MYOD1: variants seen among roughly 807,000 people sequenced by gnomAD.
MYOD1 encodes the protein myogenic differentiation 1.
MYOD1 carries 15 observed loss-of-function variants against 14.9 expected under a neutral mutation model. That is an observed-to-expected ratio of 1.01 (90% CI 0.67 to 1.55). The LOEUF is 1.55. Ranked by LOEUF, MYOD1 falls within the 40% of genes most tolerant of loss-of-function variation. The probability of loss-of-function intolerance (pLI) is 0.00; values close to 1 mark genes in which losing one functional copy is unlikely to be tolerated. For synonymous variants in MYOD1, 235 were observed against 218.6 expected, an observed-to-expected ratio of 1.07 and a Z score of -0.66; for missense variants, 529 against 482.6, an observed-to-expected ratio of 1.10 and a Z score of -0.90.
chr11:17,721,263 C>G lies in MYOD1; in HGVS notation c.718C>G (p.Pro240Ala), dbSNP rs972426310. 6.4e-7 allele frequency: 1 copy of G among 1,559,446 alleles called. No homozygotes were observed. ...GAGCCCTCCCCGCGCAGAACCCAGG[C>G]CCGGGAAGAGTGCGGCGGTGTCGAG... ...YYNEAPSEPR[P>A]GKSAAVSSLD... Residue 240 changes from proline to alanine, a missense_variant, in exon 3 of 3, where the codon CCC becomes GCC. Coordinates refer to ENST00000250003, the MANE Select transcript of MYOD1 (RefSeq NM_002478.5). This position sits in a 1 kb window ranked among gnomAD's most constrained non-coding sequence, Gnocchi z 6.2.
At position 17,720,940 on chromosome 11, in the gene MYOD1, G is replaced by T; in HGVS notation, c.669G>T (p.Arg223=). ...YSGPPSGARR[R]NCYEGAYYNE... ...GCCCCCCGAGCGGCGCCCGGCGGCG[G>T]AACTGCTACGAAGGCGCCTACTACA... The change falls in exon 2 of 3, where the codon CGG becomes CGT. Residue 223 remains arginine, a synonymous_variant. Coordinates refer to ENST00000250003, the MANE Select transcript of MYOD1 (RefSeq NM_002478.5). The T allele has an allele frequency of 6.2e-7, 1 of 1,609,570 alleles. No individual in the cohort carries two copies. Among genetic ancestry groups the T allele is most frequent in the Non-Finnish European group, 8.5e-7 (1 of 1,178,772 alleles).
In MYOD1 at chr11:17,721,387, G is replaced by T; in HGVS notation, c.842G>T (p.Arg281Leu). 1 of 1,596,496 alleles carries T rather than the reference G, an allele frequency of 6.3e-7. No individual in the cohort carries two copies. The highest frequency in any genetic ancestry group is 8.5e-7 in the Non-Finnish European group (1 of 1,178,092). ...LADVPSESPP[R>L]RQEAAAPSEG... ...GACGTGCCTTCTGAGTCGCCTCCGC[G>T]CAGGCAAGAGGCTGCCGCCCCCAGC... Residue 281 changes from arginine (R) to leucine (L), a missense_variant, in exon 3 of 3, where the codon CGC becomes CTC. Physicochemically the swap from Arg to Leu is moderately radical, Grantham distance 102 (BLOSUM62 -2). Transcript: ENST00000250003. This position sits in a 1 kb window ranked among gnomAD's most constrained non-coding sequence, Gnocchi z 6.2.
Position 17,722,017 on chromosome 11 carries a change from GTATTTAT to G in MYOD1, c.*510_*516del, listed in dbSNP as rs1848643983. On this transcript the variant is annotated 3_prime_UTR_variant, in exon 3 of 3. Coordinates refer to ENST00000250003, the MANE Select transcript of MYOD1 (RefSeq NM_002478.5). Reference sequence around the variant, plus strand: ...TGCCAGAGCAGGAGCCCCTGGGGCTGTATTTATCTCTGAGGCATGGTGTGTGGTGCTA... The same window carrying G: ...TGCCAGAGCAGGAGCCCCTGGGGCTGCTCTGAGGCATGGTGTGTGGTGCTA... The G allele has an allele frequency of 4.7e-6, 1 of 211,144 alleles. No individual in the cohort carries two copies. The highest frequency in any genetic ancestry group is 9.6e-6 in the Non-Finnish European group (1 of 104,268). The allele number at this position is 211,144 out of a possible 1,614,324, so 13.1% of individuals were successfully genotyped here.
rs772507668 is a variant in MYOD1 at position 17,719,732 on chromosome 11, C to A, written c.-51C>A. 1.3e-6 allele frequency: 2 copies of A among 1,554,642 alleles called. No homozygotes were observed. The highest frequency in any genetic ancestry group is 1.4e-5 in the African/African-American group (1 of 73,214). On this transcript the variant is annotated 5_prime_UTR_variant, in exon 1 of 3. It adds an upstream start codon to the 5' untranslated region. Coordinates refer to ENST00000250003, the MANE Select transcript of MYOD1 (RefSeq NM_002478.5). ...AGCGGCAGAAAGTTCCGGCCACTCT[C>A]TGCCGCTTGGGTTGGGCGAAGCCAG...
At position 17,721,481 on chromosome 11, in the gene MYOD1, C is replaced by A. The variant is rs1241234242; in HGVS notation, c.936C>A (p.Asn312Lys). Residue 312 changes from asparagine (N) to lysine (K), a missense_variant, in exon 3 of 3, where the codon AAC (asparagine) becomes AAA (lysine). Physicochemically the swap from Asn to Lys is moderately conservative, Grantham distance 94. Transcript: ENST00000250003. This position sits in a 1 kb window ranked among gnomAD's most constrained non-coding sequence, Gnocchi z 6.2. ...DAAPQCPAGA[N>K]PNPIYQVL ...CCCCGCAGTGCCCTGCGGGTGCGAA[C>A]CCCAACCCGATATACCAGGTGCTCT... is the stretch of plus-strand genomic sequence containing the variant. The A allele has an allele frequency of 2.5e-6, 4 of 1,577,728 alleles. No individual in the cohort carries two copies. Among genetic ancestry groups the A allele is most frequent in the African/African-American group, 2.7e-5 (2 of 73,788 alleles).
Position 17,719,903 on chromosome 11 carries a change from C to T in MYOD1, c.121C>T (p.Arg41Cys), listed in dbSNP as rs771216938. The change falls in exon 1 of 3, where the codon CGC becomes TGC. Residue 41 changes from arginine (R) to cysteine (C), a missense_variant. Arg to Cys is a radical substitution (Grantham distance 180). Transcript: ENST00000250003. The part of the protein sequence containing the change: ...DDPCFDSPDL[R>C]FFEDLDPRLM... ...CCCGTGTTTCGACTCCCCGGACCTG[C>T]GCTTCTTCGAAGACCTGGACCCGCG... 1 of 1,613,846 alleles carries T rather than the reference C, an allele frequency of 6.2e-7. No individual in the cohort carries two copies. The highest frequency in any genetic ancestry group is 8.5e-7 in the Non-Finnish European group (1 of 1,180,002).
intron 1 of MYOD1, 41 bp from the exon 2 acceptor site, chr11:17,720,861 C>T: frequency 1.3e-6 from 2 of 1,590,696 alleles, no homozygotes; most frequent in South Asian, 1.1e-5. Context: ...GGGCCTCGAG[C>T]CGTCCCGCGG....
Position 17,721,311 on chromosome 11 carries a change from G to C in MYOD1, c.766G>C (p.Val256Leu). 1 of 1,594,910 alleles carries C rather than the reference G, an allele frequency of 6.3e-7. No individual in the cohort carries two copies. Among genetic ancestry groups the C allele is most frequent in the Non-Finnish European group, 8.5e-7 (1 of 1,176,414 alleles). Reference sequence around the variant, plus strand: ...GAGCCTAGACTGCCTGTCCAGCATCGTGGAGCGCATCTCCACCGAGAGCCC... The same window carrying C: ...GAGCCTAGACTGCCTGTCCAGCATCCTGGAGCGCATCTCCACCGAGAGCCC... ...VSSLDCLSSI[V>L]ERISTESPAA... Residue 256 changes from valine (V) to leucine (L), a missense_variant, in exon 3 of 3, where the codon GTG (valine) becomes CTG (leucine). Transcript: ENST00000250003. This position sits in a 1 kb window ranked among gnomAD's most constrained non-coding sequence, Gnocchi z 6.2.
chr11:17,721,448 G>A lies in MYOD1; in HGVS notation c.903G>A (p.Pro301=), dbSNP rs769392572. ...GCAGCGGCGACCCCACCCAGTCACC[G>A]GACGCCGCCCCGCAGTGCCCTGCGG... The part of the protein sequence containing the change: ...GESSGDPTQS[P]DAAPQCPAGA... The change falls in exon 3 of 3, where the codon CCG becomes CCA. Residue 301 remains proline (P), a synonymous_variant. Coordinates refer to ENST00000250003, the MANE Select transcript of MYOD1 (RefSeq NM_002478.5). This position sits in a 1 kb window ranked among gnomAD's most constrained non-coding sequence, Gnocchi z 6.2. 3 of 1,596,722 alleles carry A rather than the reference G, an allele frequency of 1.9e-6. No homozygotes were observed. Among genetic ancestry groups the A allele is most frequent in the East Asian group, 2.2e-5 (1 of 44,636 alleles).
In MYOD1 at chr11:17,720,179, A is replaced by C. The variant is rs1335844797; in HGVS notation, c.397A>C (p.Lys133Gln). ...AGTAAATGAGGCCTTTGAGACACTC[A>C]AGCGCTGCACGTCGAGCAATCCAAA... ...SKVNEAFETL[K>Q]RCTSSNPNQR... The change falls in exon 1 of 3, where the codon AAG becomes CAG. Residue 133 changes from lysine to glutamine, a missense_variant. Coordinates refer to ENST00000250003, the MANE Select transcript of MYOD1 (RefSeq NM_002478.5). 2 of 1,609,572 alleles carry C rather than the reference A, an allele frequency of 1.2e-6. No individual in the cohort carries two copies. The highest frequency in any genetic ancestry group is 1.7e-5 in the Admixed American group (1 of 59,532).
chr11:17,720,773 C>CG (rs113300560), intron 1 of MYOD1, 129 bp from the exon 2 acceptor site: 1 of 1,027,752 alleles, frequency 9.7e-7, no homozygotes, highest in South Asian at 1.6e-5. Context: ...ATTACCCCCC[C>CG]AACCAGGACA....
At position 17,721,042 on chromosome 11, in the gene MYOD1, A is replaced by G. The variant is rs1848632737; in HGVS notation, c.709+62A>G. 12 of 1,466,042 alleles carry G rather than the reference A, an allele frequency of 8.2e-6. No individual in the cohort carries two copies. Among genetic ancestry groups the G allele is most frequent in the Admixed American group, 2.5e-5 (1 of 40,162 alleles). 90.8% of individuals were successfully genotyped at this position (1,466,042 alleles called of 1,614,324 possible). ...CCTTCATGGAGCTGTCCTGGCCTCT[A>G]TCTAGGACGCTCCCACCCCCACTCA... is the stretch of plus-strand genomic sequence containing the variant. On this transcript the variant is annotated intron_variant, in intron 2 of 2. Transcript: ENST00000250003. This position sits in a 1 kb window ranked among gnomAD's most constrained non-coding sequence, Gnocchi z 6.2.
chr11:17,720,315 T>C lies in MYOD1; in HGVS notation c.533T>C (p.Phe178Ser). ...GCGCCCCCTGGCGCCGCAGCCGCCT[T>C]CTATGCGCCGGGCCCGCTGCCCCCG... The part of the protein sequence containing the change: ...DAAPPGAAAA[F>S]YAPGPLPPGR... The change falls in exon 1 of 3, where the codon TTC becomes TCC. Residue 178 changes from phenylalanine to serine, a missense_variant. Phe to Ser is a radical substitution (Grantham distance 155, BLOSUM62 -2). Transcript: ENST00000250003. 1 of 1,584,894 alleles carries C rather than the reference T, an allele frequency of 6.3e-7. No homozygotes were observed. Among genetic ancestry groups the C allele is most frequent in the Non-Finnish European group, 8.5e-7 (1 of 1,170,062 alleles).
In MYOD1 at chr11:17,720,338, C is replaced by G. The variant is rs1160428216; in HGVS notation, c.556C>G (p.Pro186Ala). The change falls in exon 1 of 3, where the codon CCG (proline) becomes GCG (alanine). Residue 186 changes from proline to alanine, a missense_variant. Coordinates refer to ENST00000250003, the MANE Select transcript of MYOD1 (RefSeq NM_002478.5). ...CTTCTATGCGCCGGGCCCGCTGCCC[C>G]CGGGCCGCGGCGGCGAGCACTACAG... is the stretch of plus-strand genomic sequence containing the variant. ...AAFYAPGPLPPGRGGEHYSGD... is the reference protein window; with the variant it reads ...AAFYAPGPLPAGRGGEHYSGD... The G allele has an allele frequency of 3.9e-6, 6 of 1,541,678 alleles. No individual in the cohort carries two copies. The highest frequency in any genetic ancestry group is 5.2e-6 in the Non-Finnish European group (6 of 1,153,268).
Position 17,721,752 on chromosome 11 carries a change from C to T in MYOD1, c.*244C>T. ...GGCCGCTCCGTGTTCCTCGGTGGGC[C>T]AGAGCTGAACCTTGAGGGGCTAGGT... On this transcript the variant is annotated 3_prime_UTR_variant, in exon 3 of 3. Transcript: ENST00000250003. This position sits in a 1 kb window ranked among gnomAD's most constrained non-coding sequence, Gnocchi z 6.2. The T allele has an allele frequency of 2.1e-6, 1 of 478,052 alleles. No individual in the cohort carries two copies. Among genetic ancestry groups the T allele is most frequent in the Non-Finnish European group, 3.6e-6 (1 of 277,690 alleles). The allele number at this position is 478,052 out of a possible 1,614,324, so 29.6% of individuals were successfully genotyped here.
rs775606944 is a variant in MYOD1 at position 17,720,916 on chromosome 11, C to A, written c.645C>A (p.Gly215=). ...GCTGTTTGCAGATGGACTACAGCGG[C>A]CCCCCGAGCGGCGCCCGGCGGCGGA... is the stretch of plus-strand genomic sequence containing the variant. ...NCSDGMMDYS[G]PPSGARRRNC... is the part of the protein sequence containing the mutation. The change falls in exon 2 of 3, where the codon GGC becomes GGA. Residue 215 remains glycine, a synonymous_variant. Coordinates refer to ENST00000250003, the MANE Select transcript of MYOD1 (RefSeq NM_002478.5). The A allele has an allele frequency of 5.0e-6, 8 of 1,611,782 alleles. No individual in the cohort carries two copies. In the Admixed American group the frequency reaches 1.3e-4, roughly 27 times the overall value.
Position 17,719,714 on chromosome 11 carries a change from G to GA in MYOD1, c.-66dup. ...CTACAGCCGGGGCTCCCGAGCGGCA[G>GA]AAAGTTCCGGCCACTCTCTGCCGCT... On this transcript the variant is annotated 5_prime_UTR_variant, in exon 1 of 3. Transcript: ENST00000250003. 1.3e-6 allele frequency: 2 copies of GA among 1,532,722 alleles called. No homozygotes were observed. The highest frequency in any genetic ancestry group is 1.7e-6 in the Non-Finnish European group (2 of 1,143,808). 94.9% of individuals were successfully genotyped at this position (1,532,722 alleles called of 1,614,324 possible). A position where few individuals can be genotyped will look rare whatever the true frequency, so the allele number is the denominator to read the frequency against.
Position 17,721,474 on chromosome 11 carries a change from G to A in MYOD1, c.929G>A (p.Gly310Asp), listed in dbSNP as rs764624433. The change falls in exon 3 of 3, where the codon GGT (glycine) becomes GAT (aspartate). Residue 310 changes from glycine to aspartate, a missense_variant. Gly to Asp is a moderately conservative substitution (Grantham distance 94). Transcript: ENST00000250003. This position sits in a 1 kb window ranked among gnomAD's most constrained non-coding sequence, Gnocchi z 6.2. ...GACGCCGCCCCGCAGTGCCCTGCGGGTGCGAACCCCAACCCGATATACCAG... is the reference window on the plus strand; with the variant it reads ...GACGCCGCCCCGCAGTGCCCTGCGGATGCGAACCCCAACCCGATATACCAG... ...SPDAAPQCPAGANPNPIYQVL is the reference protein window; with the variant it reads ...SPDAAPQCPADANPNPIYQVL The A allele has an allele frequency of 6.3e-7, 1 of 1,584,342 alleles. No individual in the cohort carries two copies. Among genetic ancestry groups the A allele is most frequent in the Non-Finnish European group, 8.5e-7 (1 of 1,171,202 alleles).
At position 17,720,286 on chromosome 11, in the gene MYOD1, C is replaced by G. The variant is rs773709498; in HGVS notation, c.504C>G (p.Asp168Glu). 3 of 1,594,490 alleles carry G rather than the reference C, an allele frequency of 1.9e-6. No individual in the cohort carries two copies. The highest frequency in any genetic ancestry group is 1.1e-5 in the South Asian group (1 of 89,146). The change falls in exon 1 of 3, where the codon GAC becomes GAG. Residue 168 changes from aspartate to glutamate, a missense_variant. Transcript: ENST00000250003. ...EGLQALLRDQ[D>E]AAPPGAAAAF... ...TGCAGGCTCTGCTGCGCGACCAGGACGCCGCGCCCCCTGGCGCCGCAGCCG... is the reference window on the plus strand; with the variant it reads ...TGCAGGCTCTGCTGCGCGACCAGGAGGCCGCGCCCCCTGGCGCCGCAGCCG...
Sources: gnomAD v4.1 joint callset for allele counts on GRCh38, gnomAD v4.1.1 for gene constraint, Gnocchi (gnomAD v3.1) non-coding constraint, MANE v1.5 for transcripts, NCBI Gene and HGNC (gene_info 2026-07-23, HGNC 2026-07-21) for gene names.